COMMD1: variants seen among roughly 807,000 people sequenced by gnomAD.
COMMD1 encodes COMM domain-containing protein 1.
A neutral mutation model predicts 17.2 loss-of-function variants in COMMD1; 10 were observed. The observed-to-expected ratio is 0.58, with a 90% CI of 0.36 to 0.99. The LOEUF is 0.99. Ranked by LOEUF, COMMD1 falls within the 50% of genes least tolerant of loss-of-function variation. The pLI is 0.01. For synonymous variants in COMMD1, 97 were observed against 91.6 expected (o/e 1.06, Z -0.34); for missense variants, 270 against 231.8 (o/e 1.17, Z -1.07).
intron 2 of COMMD1, among the ~76,000 whole-genome samples, chr2:62,006,928 G>C (rs1448743807): frequency 6.6e-6 from 1 of 151,984 alleles, no homozygotes; most frequent in Non-Finnish European, 1.5e-5. Flanking sequence ...GCTTGAATTT[G>C]GGTATTTTAT....
chr2:62,043,188 A>G (rs982165768), intron 2 of COMMD1, among the ~76,000 whole-genome samples: 3 of 152,242 alleles, frequency 2.0e-5, no homozygotes, highest in African/African-American at 7.2e-5. Context: ...AATAGCTTGT[A>G]CCTTGGCCAG....
intron 2 of COMMD1, among the ~76,000 whole-genome samples, chr2:62,004,049 G>A (rs1471748799): frequency 3.3e-5 from 5 of 152,014 alleles, no homozygotes; most frequent in African/African-American, 1.2e-4. Context: ...AATCACTTGA[G>A]CCCGGAAGGC....
At chr2:61,933,877 C>T (rs1166355219) in intron 1 of COMMD1, among the ~76,000 whole-genome samples, 1 of 151,724 alleles carries the variant, frequency 6.6e-6, no homozygotes, top group Admixed American at 6.6e-5. Context: ...GATTCTCCTG[C>T]CTCAGCCTCC....
intron 1 of COMMD1, among the ~76,000 whole-genome samples, chr2:61,949,725 T>C (rs1671001944): frequency 6.6e-6 from 1 of 152,352 alleles, no homozygotes; most frequent in Non-Finnish European, 1.5e-5. Flanking sequence ...TGAGATACTT[T>C]TGACACTGGG....
intron 1 of COMMD1, among the ~76,000 whole-genome samples, chr2:61,997,157 C>G (rs1158142541): frequency 6.6e-6 from 1 of 150,982 alleles, no homozygotes; most frequent in African/African-American, 2.4e-5. Context: ...CCCCTGTGTT[C>G]ACAGTGATCC....
At chr2:61,897,880 T>C (rs758729859) in intron 1 of COMMD1, among the ~76,000 whole-genome samples, 6 of 152,128 alleles carry the variant, frequency 3.9e-5, no homozygotes, top group Middle Eastern at 3.2e-3. Context: ...TACAGAGGAC[T>C]CAACACCTCA....
At chr2:61,933,812 G>A (rs1670532602) in intron 1 of COMMD1, among the ~76,000 whole-genome samples, 1 of 149,434 alleles carries the variant, frequency 6.7e-6, no homozygotes, top group East Asian at 2.0e-4. Context: ...TGCCAAGGCT[G>A]GAGTGCAATG....
At chr2:62,098,602 C>T (rs1672083882) in intron 2 of COMMD1, among the ~76,000 whole-genome samples, 1 of 152,190 alleles carries the variant, frequency 6.6e-6, no homozygotes, top group Non-Finnish European at 1.5e-5. Context: ...CAAGGGTATT[C>T]CTGAAAACTG....
intron 2 of COMMD1, among the ~76,000 whole-genome samples, chr2:62,004,789 C>T (rs1048451203): frequency 3.9e-5 from 6 of 152,132 alleles, no homozygotes; most frequent in Non-Finnish European, 5.9e-5. Context: ...ATGAAATACT[C>T]TACTAAATCA....
In COMMD1 at chr2:62,063,347, C is replaced by T. The variant is rs567451386; in HGVS notation, c.462+62365C>T. ...CAGGAAGTTGAGGCATGTGCCACCA[C>T]GCCCGGCTAATTTTTTGTATTTTTA... is the stretch of plus-strand genomic sequence containing the variant. On this transcript the variant is annotated intron_variant, in intron 2 of 2. Transcript: ENST00000311832. Among the ~76,000 whole-genome samples, 193 of 152,244 alleles carry T rather than the reference C, an allele frequency of 1.3e-3. 1 individual carries two copies. Among genetic ancestry groups the T allele is most frequent in the African/African-American group, 4.5e-3 (188 of 41,552 alleles).
At chr2:61,891,522 G>A (rs1444619925) in intron 1 of COMMD1, among the ~76,000 whole-genome samples, 1 of 152,104 alleles carries the variant, frequency 6.6e-6, no homozygotes, top group African/African-American at 2.4e-5. Context: ...GATCACAGGA[G>A]TTCAAGACCA....
chr2:62,016,211 T>C lies in COMMD1; in HGVS notation c.462+15229T>C, dbSNP rs189772529. 8.1e-3 allele frequency among the ~76,000 whole-genome samples: 1,166 copies of C among 143,670 alleles called. 17 individuals are homozygous for C. The highest frequency in any genetic ancestry group is 0.08 in the East Asian group (393 of 4,932). 94.3% of individuals were successfully genotyped at this position (143,670 alleles called of 152,430 possible). On this transcript the variant is annotated intron_variant, in intron 2 of 2. Transcript: ENST00000311832. ...TCTCTTTTTTCTTTTCTTTTCTTTT[T>C]TTTTTTTTTTTTTTCGAGACAGGGT...
At chr2:61,932,760 A>G (rs1186960102) in intron 1 of COMMD1, among the ~76,000 whole-genome samples, 2 of 152,306 alleles carry the variant, frequency 1.3e-5, no homozygotes, top group African/African-American at 4.8e-5. Flanking sequence ...GGAGCACATG[A>G]GCGAGTGCAG....
intron 1 of COMMD1, among the ~76,000 whole-genome samples, chr2:61,966,690 A>G (rs192174025): frequency 3.9e-5 from 6 of 152,142 alleles, no homozygotes; most frequent in Non-Finnish European, 7.4e-5. Context: ...GAAGTTGCCT[A>G]TCTACTCCAT....
At chr2:61,893,878 G>A (rs184751392) in intron 1 of COMMD1, among the ~76,000 whole-genome samples, 201 of 152,038 alleles carry the variant, frequency 1.3e-3, no homozygotes, top group Non-Finnish European at 1.9e-3. Flanking sequence ...TGTTTTAGGG[G>A]TCCAGGATGT....
At chr2:62,062,601 CA>C (rs1670893685) in intron 2 of COMMD1, among the ~76,000 whole-genome samples, 1 of 151,804 alleles carries the variant, frequency 6.6e-6, no homozygotes, top group Admixed American at 6.6e-5. Context: ...TAACTTATTA[CA>C]AATTGTTACC....
intron 1 of COMMD1, among the ~76,000 whole-genome samples, chr2:61,963,190 T>G (rs572481350): frequency 7.3e-6 from 1 of 136,378 alleles, no homozygotes. Context: ...ATATATTATA[T>G]ACACACACAC....
At chr2:61,896,722 C>T (rs558771557) in intron 1 of COMMD1, among the ~76,000 whole-genome samples, 3 of 152,116 alleles carry the variant, frequency 2.0e-5, no homozygotes, top group Admixed American at 6.5e-5. Context: ...ACCTAAAAAA[C>T]AGCAGATGCA....
At chr2:62,060,949 C>G (rs1670839525) in intron 2 of COMMD1, among the ~76,000 whole-genome samples, 1 of 151,838 alleles carries the variant, frequency 6.6e-6, no homozygotes, top group South Asian at 2.1e-4. Flanking sequence ...TTCCATTTAT[C>G]TTTTAGTTCA....
Sources: gnomAD v4.1 joint callset for allele counts (sites outside exome capture counted in the v4.1 genomes callset) on GRCh38, gnomAD v4.1.1 for gene constraint, MANE v1.5 for transcripts, NCBI Gene and HGNC (gene_info 2026-07-23, HGNC 2026-07-21) for gene names.